Variants in EFCAB13 observed in about 807,000 individuals in gnomAD.
EFCAB13 encodes EF-hand calcium-binding domain-containing protein 13.
A neutral mutation model predicts 110.2 loss-of-function variants in EFCAB13; 91 were observed. The observed-to-expected ratio is 0.83, with a 90% CI of 0.70 to 0.98. EFCAB13 has a LOEUF of 0.98. Among genes scored for constraint, EFCAB13 ranks in the 50% least tolerant of loss-of-function variants. The pLI is 0.00. For synonymous variants in EFCAB13, 323 were observed against 369.9 expected (o/e 0.87, Z 1.45); for missense variants, 968 against 1,119.4 (o/e 0.86, Z 1.93).
chr17:47,422,495 A>T, intron 23 of EFCAB13, among the ~76,000 whole-genome samples: 1 of 152,196 alleles, frequency 6.6e-6, no homozygotes, highest in Non-Finnish European at 1.5e-5. Context: ...ATGAATCTAT[A>T]CACTGGTTAT....
rs759438102 is a variant in EFCAB13 at position 47,341,921 on chromosome 17, AT to A, written c.195del (p.Phe65LeufsTer5). ...TGATTCCAATTTCTGTGTCATTTAG[AT>A]TTGAAACATCAATAATCTTTTGTGG... ...RSLSPEYKKI[F>X]ETSIIFCGEE... On this transcript the variant is annotated frameshift_variant and splice_region_variant, in exon 6 of 25. Transcript: ENST00000331493. LOFTEE classifies it high-confidence loss of function. 13 of 1,493,834 alleles carry A rather than the reference AT, an allele frequency of 8.7e-6. No individual in the cohort carries two copies. In the East Asian group the frequency reaches 9.1e-5, roughly 10 times the overall value. 92.5% of individuals were successfully genotyped at this position (1,493,834 alleles called of 1,614,324 possible).
chr17:47,384,145 GT>G (rs759808835), intron 14 of EFCAB13, among the ~76,000 whole-genome samples: 7,210 of 128,798 alleles, frequency 0.056, 186 homozygotes, highest in Middle Eastern at 0.16. Context: ...GCAACCCCCA[GT>G]TTTTTTTTTT....
intron 5 of EFCAB13, chr17:47,339,755 T>C (rs1289585431): frequency 7.3e-6 from 1 of 137,302 alleles, no homozygotes; most frequent in Non-Finnish European, 1.6e-5. Context: ...AAAGGAGAAA[T>C]AAGAGAAAAC....
At chr17:47,391,979 T>G (rs2065710821) in intron 15 of EFCAB13, among the ~76,000 whole-genome samples, 1 of 152,096 alleles carries the variant, frequency 6.6e-6, no homozygotes. Flanking sequence ...CACAATAAAG[T>G]TAAACCATTT....
At chr17:47,382,871 C>T (rs2065654861) in intron 14 of EFCAB13, among the ~76,000 whole-genome samples, 1 of 152,136 alleles carries the variant, frequency 6.6e-6, no homozygotes, top group Admixed American at 6.5e-5. Flanking sequence ...CCAGCCCCTC[C>T]TTGTACCTCT....
At chr17:47,412,592 A>G (rs1420223506) in intron 21 of EFCAB13, among the ~76,000 whole-genome samples, 181 bp from the exon 22 acceptor site, 1 of 152,216 alleles carries the variant, frequency 6.6e-6, no homozygotes, top group Non-Finnish European at 1.5e-5. Flanking sequence ...AATGTTTTTT[A>G]GTTTCAAGTG....
intron 23 of EFCAB13, chr17:47,423,474 G>T: frequency 4.7e-6 from 1 of 214,162 alleles, no homozygotes; most frequent in Non-Finnish European, 9.2e-6. Context: ...GCCTGGCTGC[G>T]GGCGGCCGGG....
At chr17:47,359,724 A>C (rs1185674080) in intron 9 of EFCAB13, among the ~76,000 whole-genome samples, 1 of 148,972 alleles carries the variant, frequency 6.7e-6, no homozygotes, top group Admixed American at 6.7e-5. Flanking sequence ...TGCTGCACCC[A>C]TTAACTCGTC....
intron 17 of EFCAB13, among the ~76,000 whole-genome samples, chr17:47,397,063 C>G (rs909349467): frequency 2.0e-5 from 3 of 147,498 alleles, no homozygotes; most frequent in Admixed American, 6.7e-5. Context: ...TCATGCCGAG[C>G]CGAAGCTGGA....
intron 23 of EFCAB13, among the ~76,000 whole-genome samples, chr17:47,415,314 C>T (rs867218775): frequency 1.1e-4 from 16 of 151,944 alleles, no homozygotes; most frequent in African/African-American, 7.3e-5. Flanking sequence ...GTGCAGCACA[C>T]CAGCATGGCA....
Position 47,431,077 on chromosome 17 carries a change from T to C in EFCAB13, c.2638+1116T>C, listed in dbSNP as rs966154980. On this transcript the variant is annotated intron_variant, in intron 24 of 24. Coordinates refer to ENST00000331493, the MANE Select transcript of EFCAB13 (RefSeq NM_152347.5). The surrounding 1 kb of genome is among the most constrained non-coding windows in gnomAD (Gnocchi z 4.1). Reference sequence around the variant, plus strand: ...ATCAAATCAGGATAGTTGGGTTATCTGTTACCTCAAGCATTATCAGTTCTT... The same window carrying C: ...ATCAAATCAGGATAGTTGGGTTATCCGTTACCTCAAGCATTATCAGTTCTT... 6.6e-6 allele frequency among the ~76,000 whole-genome samples: 1 copy of C among 152,120 alleles called. No individual in the cohort carries two copies. Among genetic ancestry groups the C allele is most frequent in the South Asian group, 2.1e-4 (1 of 4,838 alleles).
At position 47,412,932 on chromosome 17, in the gene EFCAB13, G is replaced by T. The variant is rs1211676046; in HGVS notation, c.2422+16G>T. On this transcript the variant is annotated intron_variant, in intron 22 of 24. Coordinates refer to ENST00000331493, the MANE Select transcript of EFCAB13 (RefSeq NM_152347.5). ...AACGTCAGTGGTGAGCATTTTTTTG[G>T]CCTGAGATTCTTTTCATTTTTTTTC... The T allele has an allele frequency of 6.3e-7, 1 of 1,595,502 alleles. No individual in the cohort carries two copies. Among genetic ancestry groups the T allele is most frequent in the South Asian group, 1.1e-5 (1 of 88,396 alleles).
chr17:47,341,971 C>T lies in EFCAB13; in HGVS notation c.242C>T (p.Ser81Leu). 6.3e-7 allele frequency: 1 copy of T among 1,597,670 alleles called. No homozygotes were observed. The highest frequency in any genetic ancestry group is 1.7e-5 in the Admixed American group (1 of 57,500). ...FCGEEKSSDF[S>L]GEKKVGRKSL... ...GGAGAAGAAAAGTCCTCTGATTTTT[C>T]AGGAGAAAAAAAAGTTGGGAGAAAG... Residue 81 changes from serine (S) to leucine (L), a missense_variant, in exon 6 of 25, where the codon TCA becomes TTA. By Grantham distance (145) the Ser-to-Leu change is moderately radical. Coordinates refer to ENST00000331493, the MANE Select transcript of EFCAB13 (RefSeq NM_152347.5).
At chr17:47,355,414 A>T (rs1371769906) in intron 9 of EFCAB13, among the ~76,000 whole-genome samples, 1 of 152,052 alleles carries the variant, frequency 6.6e-6, no homozygotes, top group Non-Finnish European at 1.5e-5. Flanking sequence ...TTGTATTTGG[A>T]TGTCTAGATC....
Position 47,412,779 on chromosome 17 carries a change from A to G in EFCAB13, c.2285A>G (p.Lys762Arg), listed in dbSNP as rs376362609. Residue 762 changes from lysine to arginine, a missense_variant, in exon 22 of 25, where the codon AAA (lysine) becomes AGA (arginine). Physicochemically the swap from Lys to Arg is conservative, Grantham distance 26 (BLOSUM62 2). Transcript: ENST00000331493. ...TGTACATTTATCTTTGTAGAGATTA[A>G]AGAAGCTGCTAACATCTTGTCACAT... is the stretch of plus-strand genomic sequence containing the variant. ...NLKLPKVNEIKEAANILSHVD... is the reference protein window; with the variant it reads ...NLKLPKVNEIREAANILSHVD... 1.6e-5 allele frequency: 26 copies of G among 1,612,930 alleles called. No homozygotes were observed. In the African/African-American group the frequency reaches 2.8e-4, roughly 17 times the overall value.
rs1208463737 is a variant in EFCAB13, at chr17:47,335,284, T to A, written c.119T>A (p.Ile40Asn). 6.2e-7 allele frequency: 1 copy of A among 1,611,346 alleles called. No individual in the cohort carries two copies. Among genetic ancestry groups the A allele is most frequent in the East Asian group, 2.2e-5 (1 of 44,724 alleles). The change falls in exon 5 of 25, where the codon ATC becomes AAC. Residue 40 changes from isoleucine to asparagine, a missense_variant. Ile to Asn is a moderately radical substitution (Grantham distance 149). Coordinates refer to ENST00000331493, the MANE Select transcript of EFCAB13 (RefSeq NM_152347.5). ...SSGTINHKKYIKFSKTIEKEI... is the reference protein window; with the variant it reads ...SSGTINHKKYNKFSKTIEKEI... ...GGAACTATTAACCACAAGAAATACATCAAGTTTTCTAAAACAATAGAGAAG... is the reference window on the plus strand; with the variant it reads ...GGAACTATTAACCACAAGAAATACAACAAGTTTTCTAAAACAATAGAGAAG...
chr17:47,340,181 A>C (rs926982149), intron 5 of EFCAB13: 5 of 152,078 alleles, frequency 3.3e-5, no homozygotes, highest in African/African-American at 1.2e-4. Flanking sequence ...AGTGGTAAAT[A>C]AAGGAAAACA....
At chr17:47,367,923 G>C (rs2065557400) in intron 10 of EFCAB13, among the ~76,000 whole-genome samples, 1 of 152,088 alleles carries the variant, frequency 6.6e-6, no homozygotes, top group African/African-American at 2.4e-5. Flanking sequence ...CTAGCTGGTG[G>C]GCAGGGGACT....
At chr17:47,341,780 T>C in intron 5 of EFCAB13, 141 bp from the exon 6 acceptor site, 1 of 574,102 alleles carries the variant, frequency 1.7e-6, no homozygotes, top group Non-Finnish European at 3.1e-6. Context: ...GGGATATAGA[T>C]GGAATAGGAT....
Sources: gnomAD v4.1 joint callset for allele counts (sites outside exome capture counted in the v4.1 genomes callset) on GRCh38, gnomAD v4.1.1 for gene constraint, Gnocchi (gnomAD v3.1) non-coding constraint, MANE v1.5 for transcripts, NCBI Gene and HGNC (gene_info 2026-07-23, HGNC 2026-07-21) for gene names.